GPHN: variants seen among roughly 807,000 people sequenced by gnomAD.
GPHN encodes gephyrin.
A neutral mutation model predicts 95.5 loss-of-function variants in GPHN; 17 were observed. The observed-to-expected ratio is 0.18, with a 90% CI of 0.12 to 0.27. The LOEUF (loss-of-function observed/expected upper bound fraction) is 0.27, where lower values mean the gene tolerates loss of function less well. Among genes scored for constraint, GPHN ranks in the 10% least tolerant of loss-of-function variants. GPHN has a pLI of 1.00. For synonymous variants in GPHN, 320 were observed against 322.5 expected, an observed-to-expected ratio of 0.99 and a Z score of 0.08; for missense variants, 660 against 978.1, an observed-to-expected ratio of 0.67 and a Z score of 4.34.
the GPHN span, chr14:67,384,020 ATTTAAC>A: frequency 3.8e-5 from 6 of 157,530 alleles, no homozygotes; most frequent in Non-Finnish European, 8.4e-5. Flanking sequence ...GAGAAAATAA[ATTTAAC>A]TTTAACCACA....
chr14:67,316,194 G>C, the GPHN span, among the ~76,000 whole-genome samples: 1 of 152,010 alleles, frequency 6.6e-6, no homozygotes, highest in African/African-American at 2.4e-5. Context: ...ATTTAAAGTA[G>C]AAGTCGGAAA....
At chr14:67,205,150 C>G in the GPHN span, 1 of 1,440,546 alleles carries the variant, frequency 6.9e-7, no homozygotes, top group South Asian at 1.4e-5. Context: ...TTACCGAGAT[C>G]ACACTTCTTG....
the GPHN span, chr14:67,653,380 C>A: frequency 6.6e-7 from 1 of 1,519,426 alleles, no homozygotes; most frequent in African/African-American, 1.4e-5. Flanking sequence ...CTATTTTAAG[C>A]TTTTTGGTTG....
At chr14:66,644,829 A>G (rs2064639760) in intron 1 of GPHN, among the ~76,000 whole-genome samples, 1 of 152,172 alleles carries the variant, frequency 6.6e-6, no homozygotes, top group South Asian at 2.1e-4. Context: ...CTGGGATTAT[A>G]AGTTTTTCAA....
chr14:66,622,788 A>C (rs1357710564), intron 1 of GPHN, among the ~76,000 whole-genome samples: 4 of 152,124 alleles, frequency 2.6e-5, no homozygotes, highest in Non-Finnish European at 5.9e-5. Flanking sequence ...AGACCACCTC[A>C]GCCTGTACCT....
At chr14:67,177,947 G>A (rs1376251436) in intron 21 of GPHN, among the ~76,000 whole-genome samples, 2 of 152,042 alleles carry the variant, frequency 1.3e-5, no homozygotes, top group East Asian at 3.9e-4. Flanking sequence ...TTTATTTTGA[G>A]CCTATTTGTG....
the GPHN span, among the ~76,000 whole-genome samples, chr14:67,369,666 C>G: frequency 6.6e-6 from 1 of 152,164 alleles, no homozygotes; most frequent in African/African-American, 2.4e-5. Context: ...AGTGTCATAT[C>G]TTGGGAGGGA....
intron 8 of GPHN, among the ~76,000 whole-genome samples, chr14:66,957,153 C>T (rs2068573433): frequency 6.7e-6 from 1 of 148,882 alleles, no homozygotes. Context: ...GTTTAATTTC[C>T]ACATACTTGT....
chr14:66,622,339 C>T (rs1050453305), intron 1 of GPHN, among the ~76,000 whole-genome samples: 2 of 152,142 alleles, frequency 1.3e-5, no homozygotes, highest in Admixed American at 6.5e-5. Context: ...CCCACAAAAC[C>T]ATGTTTTCCT....
At chr14:67,376,730 C>G in the GPHN span, 10 of 781,160 alleles carry the variant, frequency 1.3e-5, 1 homozygote, top group South Asian at 1.7e-4. Flanking sequence ...TGGGCCAATC[C>G]TATATGGTCA....
chr14:67,278,679 C>T, the GPHN span, among the ~76,000 whole-genome samples: 1 of 152,132 alleles, frequency 6.6e-6, no homozygotes, highest in Non-Finnish European at 1.5e-5. Context: ...GATTAAAACA[C>T]CTTTTATGTT....
the GPHN span, among the ~76,000 whole-genome samples, chr14:67,463,513 C>T: frequency 6.6e-6 from 1 of 151,964 alleles, no homozygotes; most frequent in South Asian, 2.1e-4. Context: ...GCGGCACGCG[C>T]CTGTAGTCCC....
chr14:66,654,659 A>G lies in GPHN; in HGVS notation c.65-26448A>G, dbSNP rs554167285. 4.6e-5 allele frequency among the ~76,000 whole-genome samples: 7 copies of G among 152,248 alleles called. No homozygotes were observed. In the South Asian group the frequency reaches 1.5e-3, roughly 32 times the overall value. ...CACGGTGAAAGTTTTAAATTTTGATAAAGTACAGTTTATCTATACTTCCTT... is the reference window on the plus strand; with the variant it reads ...CACGGTGAAAGTTTTAAATTTTGATGAAGTACAGTTTATCTATACTTCCTT... On this transcript the variant is annotated intron_variant, in intron 1 of 22. Transcript: ENST00000478722.
the GPHN span, chr14:67,620,072 C>T: frequency 1.9e-6 from 3 of 1,608,452 alleles, no homozygotes; most frequent in Admixed American, 3.4e-5. Flanking sequence ...ATAGGAGCCC[C>T]GTTCTCACAA....
chr14:66,543,405 T>G (rs1354243184), intron 1 of GPHN, among the ~76,000 whole-genome samples: 1 of 152,180 alleles, frequency 6.6e-6, no homozygotes. Context: ...TCACATGACT[T>G]CTGGGATGTT....
Position 66,785,721 on chromosome 14 carries a change from C to A in GPHN, c.201+9200C>A, listed in dbSNP as rs556575448. On this transcript the variant is annotated intron_variant, in intron 3 of 22. Transcript: ENST00000478722. ...ATAATGGAACCAAACCAAAAAAAAA[C>A]CAAAAAACAAACAAAAAAAAAAAAC... Among the ~76,000 whole-genome samples the A allele has an allele frequency of 8.2e-3, 1,147 of 140,410 alleles. 7 individuals are homozygous for A. Among genetic ancestry groups the A allele is most frequent in the African/African-American group, 0.028 (1,083 of 38,160 alleles). The allele number at this position is 140,410 out of a possible 152,430, so 92.1% of individuals were successfully genotyped here. A position where few individuals can be genotyped will look rare whatever the true frequency, so the allele number is the denominator to read the frequency against.
the GPHN span, among the ~76,000 whole-genome samples, chr14:67,425,355 A>G: frequency 6.6e-6 from 1 of 152,212 alleles, no homozygotes; most frequent in African/African-American, 2.4e-5. Context: ...GTTCAAGACC[A>G]GTCTGGGCAA....
the GPHN span, among the ~76,000 whole-genome samples, chr14:67,262,599 A>T: frequency 1.3e-5 from 2 of 152,118 alleles, no homozygotes; most frequent in Non-Finnish European, 2.9e-5. Flanking sequence ...TTTATTGGCC[A>T]CTCCACTTAC....
At chr14:66,511,187 C>G (rs2139679565) in intron 1 of GPHN, among the ~76,000 whole-genome samples, 1 of 152,102 alleles carries the variant, frequency 6.6e-6, no homozygotes, top group Admixed American at 6.5e-5. Flanking sequence ...GCCTGATATA[C>G]CATATGATTT....
Sources: gnomAD v4.1 joint callset for allele counts (sites outside exome capture counted in the v4.1 genomes callset) on GRCh38, gnomAD v4.1.1 for gene constraint, MANE v1.5 for transcripts, NCBI Gene and HGNC (gene_info 2026-07-23, HGNC 2026-07-21) for gene names.